The following PCED1B variants were observed in gnomAD, a reference collection of about 807,000 sequenced individuals.
PCED1B encodes PC-esterase domain-containing protein 1B.
For synonymous variants in PCED1B, 251 were observed against 246.1 expected (o/e 1.02, Z -0.19); for missense variants, 573 against 573.9 (o/e 1.00, Z 0.02).
intron 3 of PCED1B, among the ~76,000 whole-genome samples, chr12:47,224,414 A>C (rs1034826577): frequency 1.2e-4 from 18 of 152,216 alleles, no homozygotes; most frequent in African/African-American, 3.6e-4. Flanking sequence ...TGCTTTAAGA[A>C]TTTTTAAACT....
At chr12:47,232,900 A>G (rs1326063054) in intron 3 of PCED1B, among the ~76,000 whole-genome samples, 1 of 148,700 alleles carries the variant, frequency 6.7e-6, no homozygotes, top group African/African-American at 2.5e-5. Context: ...ATACAGACCT[A>G]GAAATTTTAT....
intron 2 of PCED1B, among the ~76,000 whole-genome samples, chr12:47,151,505 A>C (rs1445147082): frequency 6.6e-6 from 1 of 152,214 alleles, no homozygotes; most frequent in Non-Finnish European, 1.5e-5. Flanking sequence ...GTCATCAAGC[A>C]ATGTGTGACT....
chr12:47,131,067 A>G (rs1398392724), intron 2 of PCED1B, among the ~76,000 whole-genome samples: 2 of 152,230 alleles, frequency 1.3e-5, no homozygotes, highest in South Asian at 2.1e-4. Context: ...AACTGAAGAT[A>G]TCTCGATCAT....
At chr12:47,189,737 T>C (rs1443236640) in intron 2 of PCED1B, among the ~76,000 whole-genome samples, 1 of 152,230 alleles carries the variant, frequency 6.6e-6, no homozygotes, top group Non-Finnish European at 1.5e-5. Flanking sequence ...CAGCAAACAA[T>C]TAATAAACAT....
intron 2 of PCED1B, among the ~76,000 whole-genome samples, chr12:47,106,719 T>C (rs1938966776): frequency 6.6e-6 from 1 of 152,214 alleles, no homozygotes; most frequent in Non-Finnish European, 1.5e-5. Flanking sequence ...CTCTATCTTT[T>C]CTGTAAAATG....
At chr12:47,212,742 TC>T (rs1408635940) in intron 2 of PCED1B, among the ~76,000 whole-genome samples, 12 of 152,328 alleles carry the variant, frequency 7.9e-5, no homozygotes, top group African/African-American at 2.6e-4. Flanking sequence ...TGTATACTAA[TC>T]CCTGGAACAA....
At chr12:47,200,839 A>T (rs1041029601) in intron 2 of PCED1B, among the ~76,000 whole-genome samples, 8 of 152,248 alleles carry the variant, frequency 5.3e-5, no homozygotes, top group African/African-American at 1.9e-4. Flanking sequence ...ATGAGACTTA[A>T]ACAATAACAG....
chr12:47,206,164 A>G (rs562221944), intron 2 of PCED1B: 3 of 152,180 alleles, frequency 2.0e-5, no homozygotes, highest in Non-Finnish European at 2.9e-5. Context: ...TATCTCAAGC[A>G]TTGATCTTGG....
chr12:47,195,938 T>A lies in PCED1B; in HGVS notation c.-525-20284T>A, dbSNP rs557700611. Among the ~76,000 whole-genome samples, 353 of 152,352 alleles carry A rather than the reference T, an allele frequency of 2.3e-3. 2 individuals carry two copies. Among genetic ancestry groups the A allele is most frequent in the African/African-American group, 8.1e-3 (338 of 41,582 alleles). The stretch of plus-strand genomic sequence containing the variant: ...TCTTGAACTTAATAATTACATTTTT[T>A]AAAAACTGCTTAGTTTTCTGGTCTC... On this transcript the variant is annotated intron_variant, in intron 2 of 3. Transcript: ENST00000546455.
rs555875828 is a variant in PCED1B, at chr12:47,148,226, C to T, written c.-526+44031C>T. On this transcript the variant is annotated intron_variant, in intron 2 of 3. Transcript: ENST00000546455. ...GACATTAACCTATTCATGAGGGAGC[C>T]TTCATGGCCTAATAACCTTTTAATG... Among the ~76,000 whole-genome samples, 7 of 152,262 alleles carry T rather than the reference C, an allele frequency of 4.6e-5. 1 individual carries two copies. Among genetic ancestry groups the T allele is most frequent in the African/African-American group, 1.4e-4 (6 of 41,554 alleles).
At chr12:47,122,823 G>C (rs1249148678) in intron 2 of PCED1B, among the ~76,000 whole-genome samples, 1 of 152,152 alleles carries the variant, frequency 6.6e-6, no homozygotes, top group Non-Finnish European at 1.5e-5. Flanking sequence ...TCTGTTCAAT[G>C]ATTAGATTTA....
intron 2 of PCED1B, among the ~76,000 whole-genome samples, chr12:47,130,973 A>C (rs796673734): frequency 5.9e-5 from 9 of 152,348 alleles, no homozygotes; most frequent in African/African-American, 2.2e-4. Flanking sequence ...TACATTACTT[A>C]AATGTTAAGT....
In PCED1B at chr12:47,235,800, C is replaced by T. The variant is rs764801776; in HGVS notation, c.737C>T (p.Ala246Val). 1.5e-5 allele frequency: 24 copies of T among 1,579,170 alleles called. 1 individual carries two copies. In the Admixed American group the frequency reaches 3.7e-4, roughly 24 times the overall value. The change falls in exon 4 of 4, where the codon GCC becomes GTC. Residue 246 changes from alanine to valine, a missense_variant. By Grantham distance (64) the Ala-to-Val change is moderately conservative (BLOSUM62 0). Coordinates refer to ENST00000546455, the MANE Select transcript of PCED1B (RefSeq NM_138371.3). The part of the protein sequence containing the change: ...VHRCLSQLLL[A>V]HVADAWGVEL... Reference sequence around the variant, plus strand: ...CGCTGCCTCTCCCAGCTGCTGCTGGCCCACGTGGCCGACGCCTGGGGTGTG... The same window carrying T: ...CGCTGCCTCTCCCAGCTGCTGCTGGTCCACGTGGCCGACGCCTGGGGTGTG...
intron 1 of PCED1B, among the ~76,000 whole-genome samples, chr12:47,083,028 T>TGA (rs1937817638): frequency 6.7e-6 from 1 of 150,012 alleles, no homozygotes; most frequent in African/African-American, 2.5e-5. Flanking sequence ...TGTGGTCATG[T>TGA]GAGTGTCTAG....
At chr12:47,162,534 G>A (rs558290838) in intron 2 of PCED1B, among the ~76,000 whole-genome samples, 124 of 152,272 alleles carry the variant, frequency 8.1e-4, no homozygotes, top group African/African-American at 2.1e-3. Flanking sequence ...ACAATTCTGC[G>A]GAGTATACAA....
intron 2 of PCED1B, among the ~76,000 whole-genome samples, chr12:47,192,780 T>C (rs1942485448): frequency 6.6e-6 from 1 of 152,208 alleles, no homozygotes. Context: ...GCTGAGGATT[T>C]TTCATGCATT....
rs187671686 is a variant in PCED1B, at chr12:47,126,888, A to T, written c.-526+22693A>T. Among the ~76,000 whole-genome samples the T allele has an allele frequency of 6.7e-3, 1,007 of 150,774 alleles. 8 individuals are homozygous for T. Among genetic ancestry groups the T allele is most frequent in the African/African-American group, 0.023 (960 of 41,128 alleles). On this transcript the variant is annotated intron_variant, in intron 2 of 3. Transcript: ENST00000546455. ...ATGTTGGTCACTTGTTTCTTCTCTC[A>T]CTCTTCTTTTTCGTTGTTTTGGCTA...
rs796357956 is a variant in PCED1B at position 47,236,610 on chromosome 12, T to A, written c.*248T>A. The A allele has an allele frequency of 9.8e-5, 42 of 428,064 alleles. No homozygotes were observed. The highest frequency in any genetic ancestry group is 8.6e-4 in the African/African-American group (42 of 49,006). The allele number at this position is 428,064 out of a possible 1,614,324, so 26.5% of individuals were successfully genotyped here. A position where few individuals can be genotyped will look rare whatever the true frequency, so the allele number is the denominator to read the frequency against. On this transcript the variant is annotated 3_prime_UTR_variant, in exon 4 of 4. Coordinates refer to ENST00000546455, the MANE Select transcript of PCED1B (RefSeq NM_138371.3). Reference sequence around the variant, plus strand: ...GTTATTCCTGCCTCCTCACTCCTATTCTCTTTGCCTTTGTGTAAAAATAAA... The same window carrying A: ...GTTATTCCTGCCTCCTCACTCCTATACTCTTTGCCTTTGTGTAAAAATAAA...
intron 3 of PCED1B, among the ~76,000 whole-genome samples, chr12:47,219,480 C>T (rs1052548647): frequency 6.6e-6 from 1 of 152,168 alleles, no homozygotes; most frequent in Non-Finnish European, 1.5e-5. Context: ...TGAAAGCACT[C>T]GTCATTATTA....
Sources: gnomAD v4.1 joint callset for allele counts (sites outside exome capture counted in the v4.1 genomes callset) on GRCh38, gnomAD v4.1.1 for gene constraint, MANE v1.5 for transcripts, NCBI Gene and HGNC (gene_info 2026-07-23, HGNC 2026-07-21) for gene names.